SMAD3: variants seen among roughly 807,000 people sequenced by gnomAD.
SMAD3 encodes SMAD family member 3.
A neutral mutation model predicts 51.8 loss-of-function variants in SMAD3; 12 were observed. The observed-to-expected ratio is 0.23, with a 90% CI of 0.15 to 0.38. The LOEUF (loss-of-function observed/expected upper bound fraction) is 0.38. Among genes scored for constraint, SMAD3 ranks in the 10% least tolerant of loss-of-function variants. SMAD3 has a pLI of 1.00. For synonymous variants in SMAD3, 238 were observed against 227.7 expected (o/e 1.05, Z -0.41); for missense variants, 294 against 565.6 (o/e 0.52, Z 4.87).
intron 1 of SMAD3, among the ~76,000 whole-genome samples, chr15:67,130,152 A>G (rs1407867685): frequency 2.0e-5 from 3 of 152,236 alleles, no homozygotes; most frequent in Admixed American, 6.5e-5. Flanking sequence ...TTCTCACAGC[A>G]GCCTTGCATG....
chr15:67,115,636 G>A (rs944326394), intron 1 of SMAD3, among the ~76,000 whole-genome samples: 3 of 151,208 alleles, frequency 2.0e-5, no homozygotes, highest in Non-Finnish European at 4.4e-5. Context: ...CATCAGTAAA[G>A]CAAGGAAGAT....
chr15:67,111,862 A>G (rs1403953486), intron 1 of SMAD3, among the ~76,000 whole-genome samples: 1 of 152,138 alleles, frequency 6.6e-6, no homozygotes, highest in Non-Finnish European at 1.5e-5. Flanking sequence ...ATCTCGGCTC[A>G]CTGCAGCCTC....
At chr15:67,090,343 C>T (rs1403418941) in intron 1 of SMAD3, among the ~76,000 whole-genome samples, 1 of 152,136 alleles carries the variant, frequency 6.6e-6, no homozygotes, top group Non-Finnish European at 1.5e-5. Context: ...CTCTGAACTT[C>T]AACTTGGGGG....
intron 1 of SMAD3, among the ~76,000 whole-genome samples, chr15:67,127,560 G>A (rs1441300188): frequency 6.6e-6 from 1 of 152,154 alleles, no homozygotes; most frequent in African/African-American, 2.4e-5. Flanking sequence ...TCACCCTTGT[G>A]CATATTAATA....
chr15:67,107,965 T>TCTCCCCC, intron 1 of SMAD3, among the ~76,000 whole-genome samples: 1 of 124,640 alleles, frequency 8.0e-6, no homozygotes, highest in Non-Finnish European at 1.6e-5. Context: ...TGCTCTCCTC[T>TCTCCCCC]CCCCCCCACC....
intron 1 of SMAD3, among the ~76,000 whole-genome samples, chr15:67,119,067 T>C (rs1421080478): frequency 2.6e-5 from 4 of 152,116 alleles, no homozygotes; most frequent in Non-Finnish European, 5.9e-5. Flanking sequence ...ATTGTATGGA[T>C]GAGGCCGGGC....
At chr15:67,123,714 T>C (rs1961321346) in intron 1 of SMAD3, among the ~76,000 whole-genome samples, 1 of 152,206 alleles carries the variant, frequency 6.6e-6, no homozygotes, top group South Asian at 2.1e-4. Flanking sequence ...TTTGAAATAG[T>C]CTTTTTTTGA....
At position 67,191,030 on chromosome 15, in the gene SMAD3, G is replaced by C; in HGVS notation, c.*494G>C. ...GTGCCTCTTCCAGTGAACATTCCCA[G>C]CCCAGCCCCGCCCCGCCCCGCCCCA... On this transcript the variant is annotated 3_prime_UTR_variant, in exon 9 of 9. Transcript: ENST00000327367. 4.2e-6 allele frequency: 1 copy of C among 239,926 alleles called. No individual in the cohort carries two copies. Among genetic ancestry groups the C allele is most frequent in the East Asian group, 5.9e-5 (1 of 17,014 alleles). 14.9% of individuals were successfully genotyped at this position (239,926 alleles called of 1,614,324 possible).
chr15:67,080,041 A>T lies in SMAD3; in HGVS notation c.206+13681A>T, dbSNP rs142124583. 2.0e-3 allele frequency among the ~76,000 whole-genome samples: 304 copies of T among 152,294 alleles called. 1 individual carries two copies. Among genetic ancestry groups the T allele is most frequent in the African/African-American group, 7.1e-3 (293 of 41,554 alleles). On this transcript the variant is annotated intron_variant, in intron 1 of 8. Coordinates refer to ENST00000327367, the MANE Select transcript of SMAD3 (RefSeq NM_005902.4). Reference sequence around the variant, plus strand: ...AAGAGTGAAAAGGGGCAGCATTATTAATTATGGCCACTATTAATTACGGTC... The same window carrying T: ...AAGAGTGAAAAGGGGCAGCATTATTTATTATGGCCACTATTAATTACGGTC...
At chr15:67,084,070 CTTTTTTTTTT>C (rs56675753) in intron 1 of SMAD3, among the ~76,000 whole-genome samples, 2 of 85,066 alleles carry the variant, frequency 2.4e-5, no homozygotes, top group East Asian at 3.8e-4. Flanking sequence ...CTTTTTTTTT[CTTTTTTTTTT>C]TTTTTTTTTT....
intron 1 of SMAD3, among the ~76,000 whole-genome samples, chr15:67,150,584 G>A (rs1429836653): frequency 2.6e-5 from 4 of 152,134 alleles, no homozygotes; most frequent in African/African-American, 4.8e-5. Flanking sequence ...TGCAGGAGGC[G>A]GGAGGCTGGG....
intron 1 of SMAD3, among the ~76,000 whole-genome samples, chr15:67,120,344 G>A (rs1332947330): frequency 6.6e-6 from 1 of 152,162 alleles, no homozygotes; most frequent in Non-Finnish European, 1.5e-5. Context: ...TTGGGGAGGG[G>A]TATCAAGGAT....
chr15:67,076,118 T>C (rs1409120829), intron 1 of SMAD3, among the ~76,000 whole-genome samples: 1 of 152,170 alleles, frequency 6.6e-6, no homozygotes, highest in African/African-American at 2.4e-5. Flanking sequence ...TTGGAGAGTC[T>C]CAGTTGATAT....
intron 1 of SMAD3, among the ~76,000 whole-genome samples, chr15:67,076,970 C>G (rs1415317435): frequency 6.6e-6 from 1 of 152,132 alleles, no homozygotes; most frequent in Non-Finnish European, 1.5e-5. Context: ...TGCACAAGGC[C>G]TCTGAAAGTT....
At chr15:67,088,755 T>C (rs945818305) in intron 1 of SMAD3, among the ~76,000 whole-genome samples, 8 of 152,068 alleles carry the variant, frequency 5.3e-5, no homozygotes, top group Non-Finnish European at 1.0e-4. Flanking sequence ...GGTGAAACCC[T>C]GCCTCTACTA....
chr15:67,131,105 A>G (rs1471553835), intron 1 of SMAD3, among the ~76,000 whole-genome samples: 1 of 152,248 alleles, frequency 6.6e-6, no homozygotes, highest in East Asian at 1.9e-4. Flanking sequence ...CTCACTCCAC[A>G]AATATTCACG....
At chr15:67,107,485 C>T (rs1048929025) in intron 1 of SMAD3, among the ~76,000 whole-genome samples, 6 of 152,194 alleles carry the variant, frequency 3.9e-5, no homozygotes, top group African/African-American at 1.4e-4. Context: ...TCCTGCCCTC[C>T]TGATGCAGTC....
chr15:67,068,779 C>T (rs763417515), intron 1 of SMAD3, among the ~76,000 whole-genome samples: 18 of 151,942 alleles, frequency 1.2e-4, no homozygotes, highest in Non-Finnish European at 1.8e-4. Flanking sequence ...CTGTTTTGGT[C>T]GTGGGCAGAA....
At chr15:67,144,483 T>C (rs1961921651) in intron 1 of SMAD3, among the ~76,000 whole-genome samples, 1 of 152,204 alleles carries the variant, frequency 6.6e-6, no homozygotes, top group Admixed American at 6.5e-5. Flanking sequence ...TTAGAATTCA[T>C]TTGGCCCTAA....
Sources: gnomAD v4.1 joint callset for allele counts (sites outside exome capture counted in the v4.1 genomes callset) on GRCh38, gnomAD v4.1.1 for gene constraint, MANE v1.5 for transcripts, NCBI Gene and HGNC (gene_info 2026-07-23, HGNC 2026-07-21) for gene names.